Variants in FOXK1 observed in about 807,000 individuals in gnomAD.
The protein encoded by FOXK1 is forkhead box protein K1.
A neutral mutation model predicts 51.9 loss-of-function variants in FOXK1; 19 were observed. That is an observed-to-expected ratio of 0.37 (90% CI 0.26 to 0.54). FOXK1 has a LOEUF of 0.54. Among genes scored for constraint, FOXK1 ranks in the 20% least tolerant of loss-of-function variants. FOXK1 has a pLI of 0.87. For missense variants in FOXK1, 870 were observed against 1,032.7 expected (o/e 0.84, Z 2.16); for synonymous variants, 537 against 482.6 (o/e 1.11, Z -1.48).
At chr7:4,751,012 C>CTTT (rs35715224) in intron 2 of FOXK1, among the ~76,000 whole-genome samples, 5 of 102,956 alleles carry the variant, frequency 4.9e-5, no homozygotes, top group East Asian at 2.9e-4. Context: ...GCCTTCAGCA[C>CTTT]TTTTTTTTTT....
intron 1 of FOXK1, among the ~76,000 whole-genome samples, chr7:4,738,932 C>T (rs1380087211): frequency 6.6e-6 from 1 of 152,064 alleles, no homozygotes; most frequent in Non-Finnish European, 1.5e-5. Context: ...GAGTCACTTC[C>T]TTTGAAGCGG....
In FOXK1 at chr7:4,686,932, C is replaced by CT. The variant is rs201341774; in HGVS notation, c.560+4068dup. Among the ~76,000 whole-genome samples the CT allele has an allele frequency of 3.9e-3, 564 of 145,668 alleles. 11 individuals are homozygous for CT. The highest frequency in any genetic ancestry group is 0.014 in the African/African-American group (532 of 37,096). Reference sequence around the variant, plus strand: ...TTCTTGATGCCACTTAATTTTTTTTCTTTTCTTTTTTTTTTTTTGAGACAG... The same window carrying CT: ...TTCTTGATGCCACTTAATTTTTTTTCTTTTTCTTTTTTTTTTTTTGAGACAG... On this transcript the variant is annotated intron_variant, in intron 1 of 8. Coordinates refer to ENST00000328914, the MANE Select transcript of FOXK1 (RefSeq NM_001037165.2).
chr7:4,731,758 C>CAAAAAAA lies in FOXK1; in HGVS notation c.561-9067_561-9061dup. ...TGGGCAACAAAGCGAAACTCTGCCT[C>CAAAAAAA]AAAAAAAAAAAAAAAAAAAGAAAAC... On this transcript the variant is annotated intron_variant, in intron 1 of 8. Transcript: ENST00000328914. This position sits in a 1 kb window ranked among gnomAD's most constrained non-coding sequence, Gnocchi z 5.3. Among the ~76,000 whole-genome samples the CAAAAAAA allele has an allele frequency of 1.5e-5, 1 of 68,668 alleles. No individual in the cohort carries two copies. Among genetic ancestry groups the CAAAAAAA allele is most frequent in the Non-Finnish European group, 3.4e-5 (1 of 29,828 alleles). 45.0% of individuals were successfully genotyped at this position (68,668 alleles called of 152,430 possible).
intron 7 of FOXK1, 56 bp downstream of exon 7, chr7:4,759,651 G>A (rs527694290): frequency 1.9e-4 from 285 of 1,494,580 alleles, no homozygotes; most frequent in Non-Finnish European, 2.3e-4. Context: ...GTCCCGGCCG[G>A]CAAGTCCCCA....
At position 4,749,082 on chromosome 7, in the gene FOXK1, A is replaced by T. The variant is rs1780742775; in HGVS notation, c.747-5377A>T. Among the ~76,000 whole-genome samples the T allele has an allele frequency of 6.6e-6, 1 of 151,434 alleles. No individual in the cohort carries two copies. The highest frequency in any genetic ancestry group is 6.6e-5 in the Admixed American group (1 of 15,212). ...CCTTTCTCTCTCTACTTTCTGAGGG[A>T]TTTTCTCCAGTCTCTCCTTCCACCC... On this transcript the variant is annotated intron_variant, in intron 2 of 8. Coordinates refer to ENST00000328914, the MANE Select transcript of FOXK1 (RefSeq NM_001037165.2). This position sits in a 1 kb window ranked among gnomAD's most constrained non-coding sequence, Gnocchi z 6.0.
rs10231210 is a variant in FOXK1 at position 4,688,693 on chromosome 7, T to C, written c.560+5825T>C. 4.2e-3 allele frequency among the ~76,000 whole-genome samples: 639 copies of C among 152,256 alleles called. 5 individuals are homozygous for C. Among genetic ancestry groups the C allele is most frequent in the African/African-American group, 0.015 (606 of 41,550 alleles). On this transcript the variant is annotated intron_variant, in intron 1 of 8. Transcript: ENST00000328914. ...CCACGCCCGGCACCCTCTGCTTTTT[T>C]CTCATGGAGTCACTTGTCCTGTGTA...
intron 1 of FOXK1, among the ~76,000 whole-genome samples, chr7:4,691,752 T>C (rs1422940718): frequency 6.6e-6 from 1 of 152,172 alleles, no homozygotes; most frequent in Non-Finnish European, 1.5e-5. Flanking sequence ...GACGCTGAGC[T>C]CTGATCATGT....
In FOXK1 at chr7:4,745,095, CCT is replaced by C. The variant is rs1286856493; in HGVS notation, c.746+4074_746+4075del. On this transcript the variant is annotated intron_variant, in intron 2 of 8. Transcript: ENST00000328914. The surrounding 1 kb of genome is among the most constrained non-coding windows in gnomAD (Gnocchi z 4.3). ...CCCTTCCCTGCCACCTCCCCACTCT[CCT>C]CCTCTCTGGCTGCGCTCCCTAACAG... Among the ~76,000 whole-genome samples, 1 of 152,264 alleles carries C rather than the reference CCT, an allele frequency of 6.6e-6. No homozygotes were observed. Among genetic ancestry groups the C allele is most frequent in the Non-Finnish European group, 1.5e-5 (1 of 68,048 alleles).
Position 4,770,855 on chromosome 7 carries a change from G to T in FOXK1, c.*8391G>T, listed in dbSNP as rs1267396676. 2.8e-5 allele frequency: 4 copies of T among 145,050 alleles called. No individual in the cohort carries two copies. The highest frequency in any genetic ancestry group is 4.5e-5 in the Non-Finnish European group (3 of 67,186). The allele number at this position is 145,050 out of a possible 1,614,324, so 9.0% of individuals were successfully genotyped here. On this transcript the variant is annotated 3_prime_UTR_variant, in exon 9 of 9. Coordinates refer to ENST00000328914, the MANE Select transcript of FOXK1 (RefSeq NM_001037165.2). ...TGTAAAAATAATTTGGGAGGGGCGG[G>T]TGTTGTTCGGTGTGTGTGTGTGTGT...
rs571283519 is a variant in FOXK1, at chr7:4,686,774, A to G, written c.560+3906A>G. On this transcript the variant is annotated intron_variant, in intron 1 of 8. Coordinates refer to ENST00000328914, the MANE Select transcript of FOXK1 (RefSeq NM_001037165.2). ...TGAATTTGCAGCTTCTGTAGGAGAA[A>G]AACGGCGTCATCGATTTAGTCTGGT... 2.6e-5 allele frequency among the ~76,000 whole-genome samples: 4 copies of G among 151,748 alleles called. No homozygotes were observed. The South Asian group carries it at 8.4e-4, about 32-fold the overall frequency.
Position 4,756,113 on chromosome 7 carries a change from TG to T in FOXK1, c.1050+731del, listed in dbSNP as rs1315716093. Among the ~76,000 whole-genome samples the T allele has an allele frequency of 1.1e-4, 16 of 145,878 alleles. No individual in the cohort carries two copies. On this transcript the variant is annotated intron_variant, in intron 4 of 8. Transcript: ENST00000328914. This position sits in a 1 kb window ranked among gnomAD's most constrained non-coding sequence, Gnocchi z 4.1. ...AGCGCATCCACTAGCTTTGGTTTTT[TG>T]TTTGTTTGTTTGTTTTTTGAGACAG...
chr7:4,734,634 T>C lies in FOXK1; in HGVS notation c.561-6204T>C, dbSNP rs1456833357. On this transcript the variant is annotated intron_variant, in intron 1 of 8. Coordinates refer to ENST00000328914, the MANE Select transcript of FOXK1 (RefSeq NM_001037165.2). This position sits in a 1 kb window ranked among gnomAD's most constrained non-coding sequence, Gnocchi z 5.2. ...CCCTCCCTGGGGCTTCATGGGGGGC[T>C]CAGGAAGGCTGGGTCTCAGGCTTTT... 3.3e-5 allele frequency among the ~76,000 whole-genome samples: 5 copies of C among 152,170 alleles called. No homozygotes were observed. The highest frequency in any genetic ancestry group is 4.8e-5 in the African/African-American group (2 of 41,440).
intron 1 of FOXK1, among the ~76,000 whole-genome samples, chr7:4,737,831 G>C (rs976136314): frequency 3.6e-4 from 55 of 152,242 alleles, no homozygotes; most frequent in African/African-American, 1.3e-3. Context: ...TTAGAAAATG[G>C]GTGATGCAAG....
At chr7:4,700,413 A>T (rs1447303875) in intron 1 of FOXK1, among the ~76,000 whole-genome samples, 1 of 152,242 alleles carries the variant, frequency 6.6e-6, no homozygotes, top group Non-Finnish European at 1.5e-5. Context: ...GCCCTTGGGC[A>T]AGTGGATTGA....
Position 4,762,535 on chromosome 7 carries a change from G to C in FOXK1, c.*71G>C. 1 of 1,447,396 alleles carries C rather than the reference G, an allele frequency of 6.9e-7. No individual in the cohort carries two copies. The highest frequency in any genetic ancestry group is 9.2e-7 in the Non-Finnish European group (1 of 1,082,514). The allele number at this position is 1,447,396 out of a possible 1,614,324, so 89.7% of individuals were successfully genotyped here. On this transcript the variant is annotated 3_prime_UTR_variant, in exon 9 of 9. Coordinates refer to ENST00000328914, the MANE Select transcript of FOXK1 (RefSeq NM_001037165.2). This position sits in a 1 kb window ranked among gnomAD's most constrained non-coding sequence, Gnocchi z 5.7. Reference sequence around the variant, plus strand: ...CGAAGCTGGACCCGGCAGCTCAGGCGGCCGCACCCACAGACGGAGGAGAAC... The same window carrying C: ...CGAAGCTGGACCCGGCAGCTCAGGCCGCCGCACCCACAGACGGAGGAGAAC...
In FOXK1 at chr7:4,743,133, C is replaced by T. The variant is rs765448757; in HGVS notation, c.746+2110C>T. Among the ~76,000 whole-genome samples the T allele has an allele frequency of 2.9e-4, 44 of 152,218 alleles. 1 individual carries two copies. Among genetic ancestry groups the T allele is most frequent in the Non-Finnish European group, 5.6e-4 (38 of 68,044 alleles). ...AAGTGACTGAGAGCCTGGTGTGTGC[C>T]CGCCTGGCCCTGTGCTGAGCAGTGC... On this transcript the variant is annotated intron_variant, in intron 2 of 8. Transcript: ENST00000328914. This position sits in a 1 kb window ranked among gnomAD's most constrained non-coding sequence, Gnocchi z 5.3.
At position 4,759,804 on chromosome 7, in the gene FOXK1, G is replaced by A. The variant is rs1780907880; in HGVS notation, c.1696+209G>A. The A allele has an allele frequency of 6.2e-6, 4 of 641,098 alleles. No homozygotes were observed. The South Asian group carries it at 8.3e-5, about 13-fold the overall frequency. 39.7% of individuals were successfully genotyped at this position (641,098 alleles called of 1,614,324 possible). On this transcript the variant is annotated intron_variant, in intron 7 of 8. Coordinates refer to ENST00000328914, the MANE Select transcript of FOXK1 (RefSeq NM_001037165.2). The stretch of plus-strand genomic sequence containing the variant: ...CCAGTGCTTTGGGAGGCCAAAGCGG[G>A]TGGATTACTTGAGGTCCGGAGTTCG...
intron 1 of FOXK1, among the ~76,000 whole-genome samples, chr7:4,684,435 GACTC>G (rs1779793589): frequency 6.6e-6 from 1 of 152,166 alleles, no homozygotes; most frequent in African/African-American, 2.4e-5. Context: ...CATCAACAAT[GACTC>G]ACTCCCCCTT....
chr7:4,755,489 C>CA lies in FOXK1; in HGVS notation c.1050+107dup. 6.9e-7 allele frequency: 1 copy of CA among 1,459,636 alleles called. No homozygotes were observed. Among genetic ancestry groups the CA allele is most frequent in the Non-Finnish European group, 9.3e-7 (1 of 1,080,146 alleles). The allele number at this position is 1,459,636 out of a possible 1,614,324, so 90.4% of individuals were successfully genotyped here. A position where few individuals can be genotyped will look rare whatever the true frequency, so the allele number is the denominator to read the frequency against. The stretch of plus-strand genomic sequence containing the variant: ...ACAGAAGAGGGCCAGTGAGGGGGCT[C>CA]ACGCCTGGAACCCTAGCATTTTGTG... On this transcript the variant is annotated intron_variant, in intron 4 of 8. Transcript: ENST00000328914. This position sits in a 1 kb window ranked among gnomAD's most constrained non-coding sequence, Gnocchi z 6.6.
Sources: gnomAD v4.1 joint callset for allele counts (sites outside exome capture counted in the v4.1 genomes callset) on GRCh38, gnomAD v4.1.1 for gene constraint, Gnocchi (gnomAD v3.1) non-coding constraint, MANE v1.5 for transcripts, NCBI Gene and HGNC (gene_info 2026-07-23, HGNC 2026-07-21) for gene names.